Variants in CLMN observed in about 807,000 individuals in gnomAD.
CLMN encodes the protein calmin (calponin-like, transmembrane).
CLMN carries 57 observed loss-of-function variants against 92.7 expected under a neutral mutation model. The ratio of observed to expected loss-of-function variants is 0.61; its 90% CI spans 0.50 to 0.77. The LOEUF (loss-of-function observed/expected upper bound fraction) is 0.77. CLMN is among the 30% of genes least tolerant of loss of function. The probability of loss-of-function intolerance (pLI) is 0.00; values close to 1 mark genes in which losing one functional copy is unlikely to be tolerated. For missense variants in CLMN, 1,158 were observed against 1,237.5 expected, an observed-to-expected ratio of 0.94 and a Z score of 0.96; for synonymous variants, 466 against 470.6, an observed-to-expected ratio of 0.99 and a Z score of 0.13.
chr14:95,263,212 A>G (rs1302297518), intron 1 of CLMN, among the ~76,000 whole-genome samples: 1 of 152,198 alleles, frequency 6.6e-6, no homozygotes, highest in Non-Finnish European at 1.5e-5. Context: ...AGGAGAAGCA[A>G]ATACGTCCTC....
chr14:95,202,889 C>T lies in CLMN; in HGVS notation c.2460G>A (p.Glu820=). ...ASEPAPLAPH[E]DHQQRETKEN... is the part of the protein sequence containing the mutation. Reference sequence around the variant, plus strand: ...CTTTGGTCTCCCTTTGCTGGTGGTCCTCATGGGGGGCCAGTGGAGCGGGTT... The same window carrying T: ...CTTTGGTCTCCCTTTGCTGGTGGTCTTCATGGGGGGCCAGTGGAGCGGGTT... The change falls in exon 9 of 13, where the codon GAG becomes GAA. Residue 820 remains glutamate (E), a synonymous_variant. Coordinates refer to ENST00000298912, the MANE Select transcript of CLMN (RefSeq NM_024734.4). 1 of 1,572,726 alleles carries T rather than the reference C, an allele frequency of 6.4e-7. No individual in the cohort carries two copies. The highest frequency in any genetic ancestry group is 8.6e-7 in the Non-Finnish European group (1 of 1,163,904).
At position 95,186,181 on chromosome 14, in the gene CLMN, A is replaced by T. The variant is rs557476051; in HGVS notation, c.*5383T>A. The stretch of plus-strand genomic sequence containing the variant: ...TTTCATCTCTTAAATGAGGCACTGA[A>T]CGCTTACATAATTCCTGAGGTTTTC... On this transcript the variant is annotated 3_prime_UTR_variant, in exon 13 of 13. Transcript: ENST00000298912. 3.3e-5 allele frequency: 5 copies of T among 152,310 alleles called. No homozygotes were observed. Among genetic ancestry groups the T allele is most frequent in the African/African-American group, 1.2e-4 (5 of 41,560 alleles). 9.4% of individuals were successfully genotyped at this position (152,310 alleles called of 1,614,324 possible). A position where few individuals can be genotyped will look rare whatever the true frequency, so the allele number is the denominator to read the frequency against.
At chr14:95,284,124 A>G (rs28748065) in intron 1 of CLMN, among the ~76,000 whole-genome samples, 13,285 of 152,208 alleles carry the variant, frequency 0.087, 714 homozygotes, top group African/African-American at 0.14. Context: ...GAAAGGGGCC[A>G]ATGTACAGCT....
At position 95,193,638 on chromosome 14, in the gene CLMN, A is replaced by C. The variant is rs2282269; in HGVS notation, c.2840+211T>G. ...GACTCATTTTCGGAACCGGGCCCTAACCATCAGTGTTAATTAATATCTACT... is the reference window on the plus strand; with the variant it reads ...GACTCATTTTCGGAACCGGGCCCTACCCATCAGTGTTAATTAATATCTACT... On this transcript the variant is annotated intron_variant, in intron 12 of 12. Transcript: ENST00000298912. 0.15 allele frequency among the ~76,000 whole-genome samples: 22,877 copies of C among 152,140 alleles called. 2,337 individuals carry two copies. Among genetic ancestry groups the C allele is most frequent in the East Asian group, 0.47 (2,422 of 5,160 alleles).
intron 3 of CLMN, among the ~76,000 whole-genome samples, chr14:95,222,138 T>C (rs1280434202): frequency 1.3e-5 from 2 of 152,130 alleles, no homozygotes; most frequent in African/African-American, 4.8e-5. Context: ...GACCCTCCAT[T>C]ACGTGTTCCC....
At chr14:95,193,195 G>A in intron 12 of CLMN, 1 of 638,696 alleles carries the variant, frequency 1.6e-6, no homozygotes, top group Non-Finnish European at 2.7e-6. Flanking sequence ...CAACAGGAAT[G>A]GGGACGTCTC....
At chr14:95,209,078 T>C (rs1402847873) in intron 8 of CLMN, among the ~76,000 whole-genome samples, 1 of 152,228 alleles carries the variant, frequency 6.6e-6, no homozygotes, top group Non-Finnish European at 1.5e-5. Context: ...TGTTAATCTC[T>C]TTCTGTGCCT....
chr14:95,313,521 G>A (rs1260580616), intron 1 of CLMN, among the ~76,000 whole-genome samples: 2 of 152,084 alleles, frequency 1.3e-5, no homozygotes, highest in African/African-American at 4.8e-5. Context: ...CCGATAGAAA[G>A]AAAGTAGGAA....
intron 1 of CLMN, among the ~76,000 whole-genome samples, chr14:95,293,347 TCC>T (rs1900671915): frequency 1.1e-5 from 1 of 90,918 alleles, no homozygotes; most frequent in Non-Finnish European, 2.1e-5. Flanking sequence ...CCTCCCTCCC[TCC>T]TTCTTTTCCT....
intron 1 of CLMN, among the ~76,000 whole-genome samples, chr14:95,258,172 T>G (rs1264880900): frequency 6.6e-6 from 1 of 151,846 alleles, no homozygotes; most frequent in African/African-American, 2.4e-5. Context: ...TGTGTATATG[T>G]GGGGTGTGTG....
intron 1 of CLMN, among the ~76,000 whole-genome samples, chr14:95,306,607 T>G (rs930890777): frequency 6.6e-6 from 1 of 151,430 alleles, no homozygotes; most frequent in African/African-American, 2.4e-5. Context: ...TCTAGAATAG[T>G]AAGAGAGTTT....
intron 1 of CLMN, among the ~76,000 whole-genome samples, chr14:95,232,705 G>A (rs892714801): frequency 2.0e-5 from 3 of 152,212 alleles, no homozygotes; most frequent in Admixed American, 6.5e-5. Flanking sequence ...CATGTGCTGA[G>A]ACCAGTGAGT....
chr14:95,287,018 T>C (rs77522306), intron 1 of CLMN, among the ~76,000 whole-genome samples: 4 of 152,116 alleles, frequency 2.6e-5, no homozygotes, highest in Admixed American at 2.6e-4. Flanking sequence ...CTCCCAGGTC[T>C]TGTCATCCCC....
intron 1 of CLMN, among the ~76,000 whole-genome samples, chr14:95,300,548 A>T (rs1318135041): frequency 6.6e-6 from 1 of 152,212 alleles, no homozygotes; most frequent in Non-Finnish European, 1.5e-5. Flanking sequence ...AAACTTTGTT[A>T]GCTCAGGGCA....
chr14:95,207,221 G>A (rs1897070384), intron 8 of CLMN, among the ~76,000 whole-genome samples: 1 of 152,042 alleles, frequency 6.6e-6, no homozygotes, highest in Admixed American at 6.6e-5. Flanking sequence ...TCATTTCTTT[G>A]TAATGAAAAC....
At chr14:95,276,376 G>A (rs1186976006) in intron 1 of CLMN, among the ~76,000 whole-genome samples, 2 of 152,160 alleles carry the variant, frequency 1.3e-5, no homozygotes, top group East Asian at 1.9e-4. Flanking sequence ...CTGCCTTTGC[G>A]CTCTTTGCTG....
chr14:95,255,986 A>T (rs1898984072), intron 1 of CLMN, among the ~76,000 whole-genome samples: 1 of 152,168 alleles, frequency 6.6e-6, no homozygotes, highest in South Asian at 2.1e-4. Flanking sequence ...TTTAATCCGT[A>T]TTCTTTTAAC....
At chr14:95,196,229 T>C (rs1396577603) in intron 10 of CLMN, among the ~76,000 whole-genome samples, 1 of 150,828 alleles carries the variant, frequency 6.6e-6, no homozygotes, top group Admixed American at 6.6e-5. Context: ...AGCCATCTGC[T>C]GCTCACTGCC....
intron 1 of CLMN, among the ~76,000 whole-genome samples, chr14:95,268,022 AG>A (rs753758513): frequency 6.6e-6 from 1 of 152,138 alleles, no homozygotes; most frequent in Admixed American, 6.5e-5. Context: ...GGAAGGAGAG[AG>A]GGGAGAGGGG....
Sources: gnomAD v4.1 joint callset for allele counts (sites outside exome capture counted in the v4.1 genomes callset) on GRCh38, gnomAD v4.1.1 for gene constraint, MANE v1.5 for transcripts, NCBI Gene and HGNC (gene_info 2026-07-23, HGNC 2026-07-21) for gene names.